Variants in SGK1 observed in about 807,000 individuals in gnomAD.
The protein encoded by SGK1 is serine/threonine-protein kinase Sgk1.
Under a neutral mutation model 64.2 loss-of-function variants are expected in SGK1, and 26 were observed. The ratio of observed to expected loss-of-function variants is 0.40; its 90% CI spans 0.30 to 0.56. SGK1 has a LOEUF of 0.56. SGK1 is among the 20% of genes least tolerant of loss of function. The probability of loss-of-function intolerance (pLI) is 0.38; values close to 1 mark genes in which losing one functional copy is unlikely to be tolerated. For synonymous variants in SGK1, 265 were observed against 239.7 expected, an observed-to-expected ratio of 1.11 and a Z score of -0.98; for missense variants, 519 against 645.6, an observed-to-expected ratio of 0.80 and a Z score of 2.12.
At chr6:134,261,911 T>G (rs1562267806) in intron 2 of SGK1, 22 bp downstream of exon 2, 1 of 1,559,474 alleles carries the variant, frequency 6.4e-7, no homozygotes, top group African/African-American at 1.4e-5. Flanking sequence ...GGAGAATAGA[T>G]CCAGAGCGAA....
intron 2 of SGK1, among the ~76,000 whole-genome samples, chr6:134,250,489 T>C (rs868473204): frequency 6.6e-6 from 1 of 152,314 alleles, no homozygotes; most frequent in Middle Eastern, 3.4e-3. Context: ...CTAACATCAA[T>C]GACAAGTAAA....
intron 1 of SGK1, among the ~76,000 whole-genome samples, chr6:134,301,531 T>TTCTTTTCTTC (rs1271959866): frequency 7.2e-6 from 1 of 139,012 alleles, no homozygotes; most frequent in African/African-American, 2.6e-5. Flanking sequence ...CTTTTCTCTT[T>TTCTTTTCTTC]TCTTCTCTTC....
Position 134,220,998 on chromosome 6 carries a change from A to AT in SGK1, c.286-13568dup, listed in dbSNP as rs1299800668. ...CTCCGGCTCAAAAAAAAAAAAAAAA[A>AT]TTTTATTAAAAAAAGTTTGCTCAGG... is the stretch of plus-strand genomic sequence containing the variant. On this transcript the variant is annotated intron_variant, in intron 2 of 13. Transcript: ENST00000367858. 9.9e-4 allele frequency among the ~76,000 whole-genome samples: 147 copies of AT among 147,968 alleles called. 1 individual carries two copies. The highest frequency in any genetic ancestry group is 3.6e-3 in the African/African-American group (142 of 39,434).
intron 3 of SGK1, among the ~76,000 whole-genome samples, chr6:134,192,120 C>T (rs533465124): frequency 3.5e-4 from 53 of 151,888 alleles, no homozygotes; most frequent in South Asian, 1.0e-3. Context: ...TGAGCCACCG[C>T]GCCCGGCCCT....
rs1303415423 is a variant in SGK1 at position 134,176,520 on chromosome 6, C to T, written c.362-1934G>A. On this transcript the variant is annotated intron_variant, in intron 3 of 13. Coordinates refer to ENST00000367858, the MANE Select transcript of SGK1 (RefSeq NM_001143676.3). ...CGCGGGGACGTGAGCCAGTGCTGGC[C>T]GGGAAGCCGCGAGCACGGCGACTGG... is the stretch of plus-strand genomic sequence containing the variant. 2.6e-5 allele frequency among the ~76,000 whole-genome samples: 4 copies of T among 152,150 alleles called. No individual in the cohort carries two copies. The South Asian group carries it at 6.2e-4, about 24-fold the overall frequency.
intron 2 of SGK1, among the ~76,000 whole-genome samples, chr6:134,210,817 A>C: frequency 6.8e-6 from 1 of 147,772 alleles, no homozygotes; most frequent in Non-Finnish European, 1.5e-5. Context: ...GTCTCAAAAA[A>C]AAAAAAAAAA....
At chr6:134,222,788 A>G (rs528699672) in intron 2 of SGK1, among the ~76,000 whole-genome samples, 35 of 152,322 alleles carry the variant, frequency 2.3e-4, no homozygotes, top group African/African-American at 8.2e-4. Flanking sequence ...TTCAAAAACT[A>G]TGACCAGGTT....
chr6:134,256,588 G>A (rs4896033), intron 2 of SGK1, among the ~76,000 whole-genome samples: 3,995 of 152,182 alleles, frequency 0.026, 144 homozygotes, highest in East Asian at 0.12. Flanking sequence ...TTGTGAATAC[G>A]TTTAGTCAGC....
intron 2 of SGK1, among the ~76,000 whole-genome samples, chr6:134,258,803 T>G (rs552631772): frequency 6.6e-6 from 1 of 151,674 alleles, no homozygotes; most frequent in East Asian, 1.9e-4. Context: ...TACCAACCTG[T>G]CTCCACAAAA....
At chr6:134,250,024 C>A (rs941362829) in intron 2 of SGK1, among the ~76,000 whole-genome samples, 4 of 152,144 alleles carry the variant, frequency 2.6e-5, no homozygotes, top group Non-Finnish European at 5.9e-5. Flanking sequence ...TCAAACCCAG[C>A]CAGAGATGCC....
intron 2 of SGK1, among the ~76,000 whole-genome samples, chr6:134,225,779 A>G (rs1776165495): frequency 6.6e-6 from 1 of 152,054 alleles, no homozygotes; most frequent in Non-Finnish European, 1.5e-5. Context: ...AAAAAAATAA[A>G]TAAGTAAAAA....
intron 1 of SGK1, among the ~76,000 whole-genome samples, chr6:134,307,160 T>A (rs1255310199): frequency 6.6e-6 from 1 of 152,248 alleles, no homozygotes; most frequent in Non-Finnish European, 1.5e-5. Context: ...ATTTAATGTG[T>A]TTGCTTTGCA....
intron 9 of SGK1, 160 bp downstream of exon 9, chr6:134,172,501 TC>T: frequency 1.3e-6 from 1 of 788,602 alleles, no homozygotes; most frequent in South Asian, 1.8e-5. Flanking sequence ...CTTGGCTGGT[TC>T]CCCCTTGGCA....
intron 3 of SGK1, among the ~76,000 whole-genome samples, chr6:134,186,719 T>C (rs942033667): frequency 6.6e-5 from 10 of 152,200 alleles, no homozygotes; most frequent in African/African-American, 2.4e-4. Flanking sequence ...TCAGATTGAG[T>C]TGTTGTAATT....
At chr6:134,260,382 CAA>C (rs1554225493) in intron 2 of SGK1, 2 of 143,064 alleles carry the variant, frequency 1.4e-5, no homozygotes, top group Non-Finnish European at 3.1e-5. Context: ...CCACCCCCCC[CAA>C]AAAAAGGGCC....
intron 2 of SGK1, among the ~76,000 whole-genome samples, chr6:134,247,028 G>A (rs1776535295): frequency 6.6e-6 from 1 of 151,340 alleles, no homozygotes; most frequent in African/African-American, 2.4e-5. Flanking sequence ...TTAATATTAG[G>A]TAATAGCAAG....
chr6:134,300,889 C>T (rs938242144), intron 1 of SGK1, among the ~76,000 whole-genome samples: 1 of 152,038 alleles, frequency 6.6e-6, no homozygotes, highest in African/African-American at 2.4e-5. Flanking sequence ...CCGCCTCGGC[C>T]TCCCAAAGTG....
chr6:134,219,358 G>A (rs867080716), intron 2 of SGK1, among the ~76,000 whole-genome samples: 1 of 151,962 alleles, frequency 6.6e-6, no homozygotes, highest in Admixed American at 6.6e-5. Flanking sequence ...CCAAACACCC[G>A]TTTCCACTTC....
chr6:134,220,014 C>G (rs1486235263), intron 2 of SGK1, among the ~76,000 whole-genome samples: 2 of 130,950 alleles, frequency 1.5e-5, no homozygotes, highest in South Asian at 2.4e-4. Context: ...AGCCGAGATC[C>G]CGCCACTGCA....
Sources: gnomAD v4.1 joint callset for allele counts (sites outside exome capture counted in the v4.1 genomes callset) on GRCh38, gnomAD v4.1.1 for gene constraint, MANE v1.5 for transcripts, NCBI Gene and HGNC (gene_info 2026-07-23, HGNC 2026-07-21) for gene names.